The following FHIT variants were observed in gnomAD, a reference collection of about 807,000 sequenced individuals.
The protein encoded by FHIT is fragile histidine triad diadenosine triphosphatase, also known as bis(5'-adenosyl)-triphosphatase.
In FHIT, 19 loss-of-function variants were observed where a neutral mutation model predicts 17.9. The ratio of observed to expected loss-of-function variants is 1.06; its 90% CI spans 0.74 to 1.56. FHIT has a LOEUF of 1.56. FHIT is among the 40% of genes most tolerant of loss of function. The pLI is 0.00. For synonymous variants in FHIT, 81 were observed against 69.7 expected (o/e 1.16, Z -0.81); for missense variants, 248 against 189.2 (o/e 1.31, Z -1.82).
In FHIT at chr3:60,011,367, T is replaced by C. The variant is rs573850798; in HGVS notation, c.279+4A>G. The C allele has an allele frequency of 2.6e-4, 419 of 1,613,542 alleles. 1 individual carries two copies. The highest frequency in any genetic ancestry group is 3.5e-4 in the Non-Finnish European group (407 of 1,179,610). On this transcript the variant is annotated splice_donor_region_variant and intron_variant, in intron 7 of 9. Transcript: ENST00000492590. Reference sequence around the variant, plus strand: ...TAATTTGTATGCACATAATAAGCACTCACCTTCACAGTCTGTCCGGCTTCG... The same window carrying C: ...TAATTTGTATGCACATAATAAGCACCCACCTTCACAGTCTGTCCGGCTTCG...
At chr3:60,394,224 C>T (rs1701346035) in intron 5 of FHIT, among the ~76,000 whole-genome samples, 1 of 152,044 alleles carries the variant, frequency 6.6e-6, no homozygotes, top group African/African-American at 2.4e-5. Flanking sequence ...CTGAGGAGAG[C>T]CTTGAGGGCT....
intron 4 of FHIT, among the ~76,000 whole-genome samples, chr3:60,626,146 G>A (rs183383267): frequency 7.2e-4 from 109 of 152,148 alleles, no homozygotes; most frequent in Non-Finnish European, 1.2e-3. Context: ...CATGAGTTCC[G>A]AAACCAGGAA....
At chr3:60,648,686 T>A (rs1553687438) in intron 4 of FHIT, among the ~76,000 whole-genome samples, 2 of 152,198 alleles carry the variant, frequency 1.3e-5, no homozygotes, top group South Asian at 4.1e-4. Flanking sequence ...CTTTTCTTGT[T>A]CTGCAAAACT....
intron 5 of FHIT, among the ~76,000 whole-genome samples, chr3:60,042,908 A>T (rs1029596917): frequency 2.6e-5 from 4 of 152,202 alleles, no homozygotes; most frequent in African/African-American, 9.6e-5. Context: ...GAAAGGTACC[A>T]TTGCCACCTA....
At chr3:60,371,443 G>C (rs565967275) in intron 5 of FHIT, among the ~76,000 whole-genome samples, 7 of 151,788 alleles carry the variant, frequency 4.6e-5, no homozygotes, top group African/African-American at 1.7e-4. Flanking sequence ...CGGCAAACTT[G>C]AACTCCTGGG....
rs544809748 is a variant in FHIT at position 60,501,060 on chromosome 3, T to C, written c.103+35800A>G. Among the ~76,000 whole-genome samples, 4 of 152,294 alleles carry C rather than the reference T, an allele frequency of 2.6e-5. No homozygotes were observed. In the South Asian group the frequency reaches 8.3e-4, roughly 32 times the overall value. Reference sequence around the variant, plus strand: ...AAGTAACAGTCAAGATCTGTTGAACTGAATTGAAGTGAACTTGACTCTTTC... The same window carrying C: ...AAGTAACAGTCAAGATCTGTTGAACCGAATTGAAGTGAACTTGACTCTTTC... On this transcript the variant is annotated intron_variant, in intron 5 of 9. Coordinates refer to ENST00000492590, the MANE Select transcript of FHIT (RefSeq NM_002012.4).
intron 4 of FHIT, among the ~76,000 whole-genome samples, chr3:60,548,213 T>C (rs184240557): frequency 1.2e-4 from 19 of 152,108 alleles, no homozygotes; most frequent in Admixed American, 7.9e-4. Context: ...AACTTGGGAA[T>C]ATAAGACTTC....
chr3:60,332,462 G>A (rs749157124), intron 5 of FHIT, among the ~76,000 whole-genome samples: 3 of 152,164 alleles, frequency 2.0e-5, no homozygotes, highest in African/African-American at 4.8e-5. Context: ...AATGAAGAAC[G>A]AGCTAGGTGT....
At chr3:60,722,186 C>T (rs1310310810) in intron 4 of FHIT, among the ~76,000 whole-genome samples, 2 of 152,136 alleles carry the variant, frequency 1.3e-5, no homozygotes, top group East Asian at 1.9e-4. Context: ...AATGACTGAG[C>T]CACCCATCTG....
chr3:59,790,542 G>A (rs1187511775), intron 8 of FHIT, among the ~76,000 whole-genome samples: 2 of 151,228 alleles, frequency 1.3e-5, no homozygotes, highest in Admixed American at 6.6e-5. Flanking sequence ...GTGTGTGTGT[G>A]TATAAATCAT....
Position 60,139,225 on chromosome 3 carries a change from T to C in FHIT, c.104-125073A>G, listed in dbSNP as rs548509913. 4.5e-4 allele frequency among the ~76,000 whole-genome samples: 68 copies of C among 152,304 alleles called. 1 individual carries two copies. Among genetic ancestry groups the C allele is most frequent in the Middle Eastern group, 3.4e-3 (1 of 294 alleles). ...ACAGGAAGGCACGTGATGAGGAGGC[T>C]AGCAAGGTTCCTGAGAGCTCAATCA... is the stretch of plus-strand genomic sequence containing the variant. On this transcript the variant is annotated intron_variant, in intron 5 of 9. Transcript: ENST00000492590.
At chr3:60,499,990 AAGT>A (rs1226287119) in intron 5 of FHIT, among the ~76,000 whole-genome samples, 7 of 152,224 alleles carry the variant, frequency 4.6e-5, no homozygotes, top group Non-Finnish European at 8.8e-5. Flanking sequence ...ACAAGAATAA[AAGT>A]AGGATCGTTA....
chr3:60,557,550 G>A (rs990849184), intron 4 of FHIT, among the ~76,000 whole-genome samples: 2 of 151,942 alleles, frequency 1.3e-5, no homozygotes, highest in Admixed American at 6.6e-5. Context: ...GTCTCTCGGG[G>A]TCAAGCAGAC....
intron 5 of FHIT, among the ~76,000 whole-genome samples, chr3:60,067,971 C>A (rs1702592470): frequency 6.6e-6 from 1 of 152,160 alleles, no homozygotes; most frequent in African/African-American, 2.4e-5. Context: ...CATGGTGGCT[C>A]ACACCTGTAA....
chr3:60,319,766 G>T (rs768750344), intron 5 of FHIT, among the ~76,000 whole-genome samples: 5 of 152,154 alleles, frequency 3.3e-5, no homozygotes, highest in Non-Finnish European at 7.4e-5. Flanking sequence ...CCCAGCAGTG[G>T]TTGCACTGTA....
chr3:59,879,913 T>TGC (rs1703329127), intron 8 of FHIT, among the ~76,000 whole-genome samples: 3 of 107,836 alleles, frequency 2.8e-5, no homozygotes, highest in African/African-American at 1.9e-4. Flanking sequence ...ACCAATCATT[T>TGC]CCCCCACCCC....
chr3:60,422,522 T>C (rs1245801338), intron 5 of FHIT, among the ~76,000 whole-genome samples: 1 of 152,140 alleles, frequency 6.6e-6, no homozygotes, highest in Non-Finnish European at 1.5e-5. Flanking sequence ...AACATTCTTT[T>C]TTGTTGTTGT....
chr3:60,296,320 T>A (rs76861988), intron 5 of FHIT, among the ~76,000 whole-genome samples: 1,755 of 152,160 alleles, frequency 0.012, 35 homozygotes, highest in African/African-American at 0.039. Context: ...AAGGAATCAT[T>A]TTCCCCGCAT....
intron 5 of FHIT, among the ~76,000 whole-genome samples, chr3:60,500,771 T>TAAAAAAAAAAAAAAA (rs71092606): frequency 8.2e-4 from 53 of 64,856 alleles, no homozygotes; most frequent in African/African-American, 3.0e-3. Context: ...AGCATCCATC[T>TAAAAAAAAAAAAAAA]AAAAAAAAAA....
Sources: allele counts gnomAD v4.1 joint callset (sites outside exome capture counted in the v4.1 genomes callset), GRCh38; gene constraint gnomAD v4.1.1; transcripts MANE v1.5; gene names NCBI Gene and HGNC (gene_info 2026-07-23, HGNC 2026-07-21).